The following HEMK2 variants were observed in gnomAD, a reference collection of about 807,000 sequenced individuals.
The protein encoded by HEMK2 is methyltransferase HEMK2.
chr21:28,747,438 G>T, the HEMK2 span, among the ~76,000 whole-genome samples: 2 of 152,246 alleles, frequency 1.3e-5, no homozygotes, highest in Admixed American at 1.3e-4. Context: ...AACCTTCCAA[G>T]CCAATGGCTA....
At chr21:28,737,065 G>A in the HEMK2 span, among the ~76,000 whole-genome samples, 1 of 152,182 alleles carries the variant, frequency 6.6e-6, no homozygotes, top group African/African-American at 2.4e-5. Context: ...AATGATTGGG[G>A]TTGAGGAGGC....
chr21:28,831,455 A>AAAAGAAAG, the HEMK2 span, among the ~76,000 whole-genome samples: 2 of 56,968 alleles, frequency 3.5e-5, no homozygotes. Context: ...AAAAAGAAAG[A>AAAAGAAAG]AAAGAACGAA....
chr21:28,860,970 T>C, the HEMK2 span, among the ~76,000 whole-genome samples: 1 of 152,184 alleles, frequency 6.6e-6, no homozygotes, highest in Non-Finnish European at 1.5e-5. Context: ...TGGTTTAATG[T>C]AGAAAAAGGG....
chr21:28,820,613 G>A, the HEMK2 span, among the ~76,000 whole-genome samples: 1 of 152,052 alleles, frequency 6.6e-6, no homozygotes, highest in Non-Finnish European at 1.5e-5. Context: ...TTGGAATATT[G>A]GACAATCACT....
the HEMK2 span, among the ~76,000 whole-genome samples, chr21:28,645,409 C>T: frequency 6.6e-6 from 1 of 152,170 alleles, no homozygotes; most frequent in Non-Finnish European, 1.5e-5. Flanking sequence ...GACTGCCATA[C>T]ACAAGGTAAG....
chr21:28,583,458 T>C, the HEMK2 span, among the ~76,000 whole-genome samples: 1 of 152,144 alleles, frequency 6.6e-6, no homozygotes, highest in Non-Finnish European at 1.5e-5. Flanking sequence ...TGCCCTCTGG[T>C]CACCACTGAA....
chr21:28,638,966 A>G, the HEMK2 span, among the ~76,000 whole-genome samples: 1 of 152,224 alleles, frequency 6.6e-6, no homozygotes, highest in Non-Finnish European at 1.5e-5. Flanking sequence ...GCCAGTCTAG[A>G]TTCAAGAGAG....
At chr21:28,771,915 G>A in the HEMK2 span, among the ~76,000 whole-genome samples, 10 of 151,974 alleles carry the variant, frequency 6.6e-5, no homozygotes, top group African/African-American at 2.4e-4. Context: ...AGGGGCTAGG[G>A]GTGAGGAGAG....
the HEMK2 span, among the ~76,000 whole-genome samples, chr21:28,799,111 C>T: frequency 8.1e-4 from 124 of 152,240 alleles, no homozygotes; most frequent in African/African-American, 2.8e-3. Context: ...GCATGATCAA[C>T]AATTTGGGTT....
chr21:28,884,156 C>T, the HEMK2 span, among the ~76,000 whole-genome samples: 1 of 152,150 alleles, frequency 6.6e-6, no homozygotes, highest in African/African-American at 2.4e-5. Context: ...TAGAAATAAC[C>T]CAAGACTTTA....
At chr21:28,864,041 G>T in the HEMK2 span, among the ~76,000 whole-genome samples, 1 of 152,132 alleles carries the variant, frequency 6.6e-6, no homozygotes, top group Admixed American at 6.5e-5. Flanking sequence ...ATGTTGGCCA[G>T]GGTAGTCTAG....
chr21:28,839,010 T>TAC, the HEMK2 span, among the ~76,000 whole-genome samples: 5 of 72,280 alleles, frequency 6.9e-5, no homozygotes, highest in African/African-American at 3.7e-4. Flanking sequence ...TACATATATA[T>TAC]ACACAATCTG....
the HEMK2 span, among the ~76,000 whole-genome samples, chr21:28,838,157 T>C: frequency 1.3e-5 from 2 of 152,044 alleles, no homozygotes; most frequent in African/African-American, 4.8e-5. Context: ...TTTCACAAGA[T>C]AAAGAAAGAA....
the HEMK2 span, among the ~76,000 whole-genome samples, chr21:28,802,275 C>T: frequency 6.6e-6 from 1 of 152,140 alleles, no homozygotes; most frequent in Non-Finnish European, 1.5e-5. Flanking sequence ...AAATACAGAA[C>T]AGTGTGTGTT....
the HEMK2 span, among the ~76,000 whole-genome samples, chr21:28,634,434 A>G: frequency 6.6e-6 from 1 of 152,216 alleles, no homozygotes; most frequent in African/African-American, 2.4e-5. Context: ...GGAAAGGGCG[A>G]GTCAGGATAT....
chr21:28,837,261 T>C, the HEMK2 span, among the ~76,000 whole-genome samples: 1 of 152,132 alleles, frequency 6.6e-6, no homozygotes, highest in Non-Finnish European at 1.5e-5. Flanking sequence ...CAACAACACA[T>C]AGAACTTTCT....
the HEMK2 span, among the ~76,000 whole-genome samples, chr21:28,861,221 C>T: frequency 6.6e-6 from 1 of 152,176 alleles, no homozygotes; most frequent in Admixed American, 6.5e-5. Flanking sequence ...AACTGGATCA[C>T]AAGATGGCAG....
At chr21:28,743,932 T>A in the HEMK2 span, among the ~76,000 whole-genome samples, 1 of 152,144 alleles carries the variant, frequency 6.6e-6, no homozygotes, top group African/African-American at 2.4e-5. Flanking sequence ...CAAGATTGCA[T>A]CCTTTACAGA....
At chr21:28,863,704 C>A in the HEMK2 span, among the ~76,000 whole-genome samples, 1 of 151,800 alleles carries the variant, frequency 6.6e-6, no homozygotes, top group South Asian at 2.1e-4. Flanking sequence ...TAAGAGACCA[C>A]CAAGGAGAGA....
Sources: gnomAD v4.1 joint callset for allele counts (sites outside exome capture counted in the v4.1 genomes callset) on GRCh38, gnomAD v4.1.1 for gene constraint, MANE v1.5 for transcripts, NCBI Gene and HGNC (gene_info 2026-07-23, HGNC 2026-07-21) for gene names.